The following NPIPB2 variants were observed in gnomAD, a reference collection of about 807,000 sequenced individuals.
NPIPB2 encodes the protein nuclear pore complex interacting protein family member B2, also known as nuclear pore complex-interacting protein family member B2.
A neutral mutation model predicts 30.8 loss-of-function variants in NPIPB2; 27 were observed. The observed-to-expected ratio is 0.88, with a 90% confidence interval of 0.65 to 1.21. The LOEUF (loss-of-function observed/expected upper bound fraction) is 1.21, where lower values mean the gene tolerates loss of function less well. Ranked by LOEUF, NPIPB2 falls within the 50% of genes most tolerant of loss-of-function variation. The pLI is 0.00. For missense variants in NPIPB2, 440 were observed against 446.2 expected (o/e 0.99, Z 0.13); for synonymous variants, 147 against 162.0 (o/e 0.91, Z 0.70).
At chr16:11,952,812 C>T (rs1010107450) in intron 1 of NPIPB2, among the ~76,000 whole-genome samples, 18 of 152,062 alleles carry the variant, frequency 1.2e-4, no homozygotes, top group East Asian at 1.9e-4. Context: ...GTAATCCACC[C>T]GCCTCGGCCT....
intron 1 of NPIPB2, chr16:11,963,960 A>C (rs2055173570): frequency 6.6e-6 from 1 of 151,220 alleles, no homozygotes; most frequent in East Asian, 1.9e-4. Flanking sequence ...ACCTGAACCC[A>C]GGAGGTGGAG....
At chr16:11,947,965 G>A (rs1014401671) in intron 1 of NPIPB2, among the ~76,000 whole-genome samples, 1 of 148,828 alleles carries the variant, frequency 6.7e-6, no homozygotes, top group Admixed American at 6.9e-5. Context: ...GATACTAGGT[G>A]GACAACTACT....
At chr16:11,935,470 T>A (rs2054853104) in intron 2 of NPIPB2, among the ~76,000 whole-genome samples, 1 of 152,108 alleles carries the variant, frequency 6.6e-6, no homozygotes, top group Non-Finnish European at 1.5e-5. Context: ...TCTGCTACCA[T>A]GCCTGGCTAA....
At chr16:11,945,582 G>A (rs1333293604), upstream of NPIPB2, among the ~76,000 whole-genome samples, 4 of 152,044 alleles carry the variant, frequency 2.6e-5, no homozygotes, top group Admixed American at 2.6e-4. Context: ...GGAGGCTGAA[G>A]CAGGAGAAAC....
intron 1 of NPIPB2, among the ~76,000 whole-genome samples, chr16:11,957,855 G>A (rs949928451): frequency 1.3e-5 from 2 of 152,156 alleles, no homozygotes; most frequent in Non-Finnish European, 2.9e-5. Flanking sequence ...GGACTTGCCA[G>A]CTCCTACAAT....
chr16:11,935,073 TTCTG>T (rs2054847432), intron 2 of NPIPB2, among the ~76,000 whole-genome samples: 1 of 139,504 alleles, frequency 7.2e-6, no homozygotes, highest in Non-Finnish European at 1.6e-5. Context: ...AGCATCTTCC[TTCTG>T]TCCCTGCTCT....
chr16:11,944,733 C>CAAAAA (rs56283093), upstream of NPIPB2, among the ~76,000 whole-genome samples: 6 of 46,128 alleles, frequency 1.3e-4, no homozygotes, highest in African/African-American at 6.1e-4. Context: ...GACTCCGTGT[C>CAAAAA]AAAAAAAAAA....
chr16:11,958,360 G>A lies in NPIPB2; in HGVS notation c.-583-16246C>T, dbSNP rs562110350. 8.3e-4 allele frequency among the ~76,000 whole-genome samples: 126 copies of A among 151,828 alleles called. 2 individuals carry two copies. Among genetic ancestry groups the A allele is most frequent in the Admixed American group, 3.0e-3 (46 of 15,186 alleles). On this transcript the variant is annotated intron_variant, in intron 1 of 5. Transcript: ENST00000538896. ...GGAGACGTGCTTGAACCCAGGAGGCGGAGGTTGCAGTGAGCCCAGATCACG... is the reference window on the plus strand; with the variant it reads ...GGAGACGTGCTTGAACCCAGGAGGCAGAGGTTGCAGTGAGCCCAGATCACG...
chr16:11,949,491 A>G (rs1381760419), intron 1 of NPIPB2, among the ~76,000 whole-genome samples: 1 of 152,218 alleles, frequency 6.6e-6, no homozygotes, highest in Non-Finnish European at 1.5e-5. Flanking sequence ...TCCTCTTGCC[A>G]GGATTTCTGC....
At chr16:11,936,006 A>C (rs1023724791) in intron 2 of NPIPB2, among the ~76,000 whole-genome samples, 6 of 144,224 alleles carry the variant, frequency 4.2e-5, no homozygotes, top group African/African-American at 1.3e-4. Context: ...AAAAGTGGTA[A>C]ATTTAAAAAC....
At chr16:11,951,614 G>GCACACA (rs879567544) in intron 1 of NPIPB2, among the ~76,000 whole-genome samples, 3 of 99,930 alleles carry the variant, frequency 3.0e-5, no homozygotes, top group African/African-American at 7.1e-5. Context: ...GATGGACACT[G>GCACACA]CACATACACA....
At chr16:11,930,473 A>C (rs1368792301) in exon 5 of NPIPB2, 1 of 1,576,902 alleles carries the variant, frequency 6.3e-7, no homozygotes, top group Admixed American at 1.7e-5. Context: ...TTTCTTTCAT[A>C]TCCAATTTCC....
chr16:11,971,017 C>A (rs200128008), intron 1 of NPIPB2, among the ~76,000 whole-genome samples: 1 of 151,918 alleles, frequency 6.6e-6, no homozygotes, highest in African/African-American at 2.4e-5. Flanking sequence ...CCATTCTCGG[C>A]TAATTTTTTT....
upstream of NPIPB2, among the ~76,000 whole-genome samples, chr16:11,943,914 C>T (rs979127146): frequency 3.4e-4 from 46 of 136,162 alleles, no homozygotes; most frequent in Admixed American, 6.6e-4. Context: ...AGGAGAATGG[C>T]GTGAACCTGG....
At chr16:11,972,108 T>G (rs970756704) in intron 1 of NPIPB2, among the ~76,000 whole-genome samples, 1 of 151,798 alleles carries the variant, frequency 6.6e-6, no homozygotes, top group Admixed American at 6.6e-5. Flanking sequence ...ATCACGCTAT[T>G]GCACTCCACA....
chr16:11,946,681 C>T (rs2150923484), upstream of NPIPB2, among the ~76,000 whole-genome samples: 1 of 152,228 alleles, frequency 6.6e-6, no homozygotes, highest in South Asian at 2.1e-4. Flanking sequence ...AACTCTCCCA[C>T]ATTGCCGGTA....
At chr16:11,931,894 C>A (rs1245445107) in intron 4 of NPIPB2, among the ~76,000 whole-genome samples, 3 of 152,032 alleles carry the variant, frequency 2.0e-5, no homozygotes, top group Admixed American at 6.6e-5. Context: ...CATTTGGAAC[C>A]CATTTCCCTG....
At chr16:11,951,540 G>T (rs2055063294) in intron 1 of NPIPB2, among the ~76,000 whole-genome samples, 1 of 149,264 alleles carries the variant, frequency 6.7e-6, no homozygotes, top group Admixed American at 6.8e-5. Context: ...ATATTTCATG[G>T]TTCTTTATAC....
At chr16:11,970,512 C>T (rs1172772992) in intron 1 of NPIPB2, among the ~76,000 whole-genome samples, 1 of 150,884 alleles carries the variant, frequency 6.6e-6, no homozygotes, top group African/African-American at 2.4e-5. Context: ...TGCACCTGGC[C>T]TTCCAGTGTT....
Sources: gnomAD v4.1 joint callset for allele counts (sites outside exome capture counted in the v4.1 genomes callset) on GRCh38, gnomAD v4.1.1 for gene constraint, MANE v1.5 for transcripts, NCBI Gene and HGNC (gene_info 2026-07-23, HGNC 2026-07-21) for gene names.